RGS17: variants seen among roughly 807,000 people sequenced by gnomAD.
RGS17 encodes regulator of G protein signaling 17, also known as regulator of G-protein signaling 17.
Under a neutral mutation model 25.5 loss-of-function variants are expected in RGS17, and 12 were observed. The observed-to-expected ratio is 0.47, with a 90% CI of 0.30 to 0.76. The LOEUF is 0.76. Among genes scored for constraint, RGS17 ranks in the 30% least tolerant of loss-of-function variants. The pLI is 0.07. For synonymous variants in RGS17, 71 were observed against 76.9 expected (o/e 0.92, Z 0.40); for missense variants, 196 against 242.2 (o/e 0.81, Z 1.27).
chr6:153,026,517 C>G lies in RGS17; in HGVS notation c.146G>C (p.Gly49Ala). 1 of 1,613,220 alleles carries G rather than the reference C, an allele frequency of 6.2e-7. No individual in the cohort carries two copies. The highest frequency in any genetic ancestry group is 8.5e-7 in the Non-Finnish European group (1 of 1,179,422). ...SCLTVRNEER[G>A]ENAGRPTHTT... Reference sequence around the variant, plus strand: ...GTGTGTGGGTCTTCCCGCATTTTCCCCTCTTTCTTCATTCCTCACAGTGAG... The same window carrying G: ...GTGTGTGGGTCTTCCCGCATTTTCCGCTCTTTCTTCATTCCTCACAGTGAG... The change falls in exon 3 of 5, where the codon GGG becomes GCG. Residue 49 changes from glycine to alanine, a missense_variant. By Grantham distance (60) the Gly-to-Ala change is moderately conservative. Around this residue, in one of 2 missense-constraint regions of RGS17, gnomAD observed 179 missense variants for 197.6 expected, o/e 0.91. Coordinates refer to ENST00000206262, the MANE Select transcript of RGS17 (RefSeq NM_012419.5).
intron 1 of RGS17, among the ~76,000 whole-genome samples, chr6:153,047,636 C>A (rs1305788574): frequency 6.6e-6 from 1 of 152,100 alleles, no homozygotes; most frequent in Non-Finnish European, 1.5e-5. Flanking sequence ...TAAGAAGAGG[C>A]CAGGGAACTG....
chr6:153,069,587 G>T (rs1380075627), intron 1 of RGS17, among the ~76,000 whole-genome samples: 1 of 152,060 alleles, frequency 6.6e-6, no homozygotes, highest in Non-Finnish European at 1.5e-5. Flanking sequence ...TAACTTAATT[G>T]TACATTTTAA....
intron 2 of RGS17, among the ~76,000 whole-genome samples, chr6:153,034,359 G>A (rs554904801): frequency 6.6e-6 from 1 of 152,280 alleles, no homozygotes; most frequent in South Asian, 2.1e-4. Flanking sequence ...ATTAATGTGA[G>A]GGCTGGGAAG....
chr6:153,073,875 T>C (rs1776841262), intron 1 of RGS17, among the ~76,000 whole-genome samples: 1 of 152,160 alleles, frequency 6.6e-6, no homozygotes, highest in Admixed American at 6.6e-5. Flanking sequence ...AAATGGTGGA[T>C]ATCCAGCCAG....
chr6:153,021,728 T>C (rs1426925353), intron 4 of RGS17, among the ~76,000 whole-genome samples: 1 of 152,162 alleles, frequency 6.6e-6, no homozygotes, highest in East Asian at 1.9e-4. Flanking sequence ...TGTTTCTTTG[T>C]GATATTTTGA....
intron 1 of RGS17, among the ~76,000 whole-genome samples, chr6:153,053,491 T>C (rs1163321134): frequency 6.6e-6 from 1 of 152,098 alleles, no homozygotes; most frequent in Non-Finnish European, 1.5e-5. Context: ...AAGCAAAATA[T>C]TTACAGTTAC....
intron 4 of RGS17, among the ~76,000 whole-genome samples, chr6:153,014,119 C>G (rs1415521083): frequency 5.3e-5 from 8 of 152,174 alleles, no homozygotes; most frequent in Admixed American, 5.2e-4. Context: ...CAGGCTGACT[C>G]TGCTGTTAAG....
intron 2 of RGS17, among the ~76,000 whole-genome samples, chr6:153,031,211 C>T (rs1159012909): frequency 6.6e-6 from 1 of 152,186 alleles, no homozygotes; most frequent in Admixed American, 6.5e-5. Context: ...ATGGTTTAAG[C>T]TTTCCATGCT....
At chr6:153,086,410 G>C (rs1469199336) in intron 1 of RGS17, among the ~76,000 whole-genome samples, 2 of 152,110 alleles carry the variant, frequency 1.3e-5, no homozygotes, top group African/African-American at 2.4e-5. Context: ...TGGCCTGCCC[G>C]TAAGTTATGC....
chr6:153,118,201 G>C (rs543737861), intron 1 of RGS17, among the ~76,000 whole-genome samples: 1 of 152,274 alleles, frequency 6.6e-6, no homozygotes, highest in Non-Finnish European at 1.5e-5. Context: ...CTCTTATGCT[G>C]ATTTTTCACA....
chr6:153,109,480 G>C (rs1161510848), intron 1 of RGS17, among the ~76,000 whole-genome samples: 1 of 152,146 alleles, frequency 6.6e-6, no homozygotes. Flanking sequence ...TTGCTTACTT[G>C]TGTGTTTGTT....
At chr6:153,015,692 C>G (rs1017274397) in intron 4 of RGS17, among the ~76,000 whole-genome samples, 2 of 150,836 alleles carry the variant, frequency 1.3e-5, no homozygotes, top group Non-Finnish European at 1.5e-5. Flanking sequence ...CTCGCTCTGT[C>G]GCCCAGGCTG....
At chr6:153,069,763 T>TGTGTGTGTGA (rs1776761746) in intron 1 of RGS17, among the ~76,000 whole-genome samples, 1 of 151,780 alleles carries the variant, frequency 6.6e-6, no homozygotes, top group Non-Finnish European at 1.5e-5. Context: ...TGTGTGTGTG[T>TGTGTGTGTGA]GTGTGTGTAT....
chr6:153,025,091 C>G (rs1300762481), intron 3 of RGS17, among the ~76,000 whole-genome samples: 1 of 151,782 alleles, frequency 6.6e-6, no homozygotes, highest in Admixed American at 6.6e-5. Flanking sequence ...GGGAGGATCT[C>G]TTGAGTCCAG....
chr6:153,100,896 C>G (rs745316814), intron 1 of RGS17, among the ~76,000 whole-genome samples: 2 of 152,154 alleles, frequency 1.3e-5, no homozygotes, highest in Admixed American at 6.5e-5. Context: ...CCAAGCTGTA[C>G]CCAATCTGGC....
At chr6:153,013,845 G>C (rs1379120550) in intron 4 of RGS17, among the ~76,000 whole-genome samples, 1 of 152,214 alleles carries the variant, frequency 6.6e-6, no homozygotes, top group Non-Finnish European at 1.5e-5. Flanking sequence ...TGTAAGAAAA[G>C]TTTGAAGCTC....
Position 153,130,934 on chromosome 6 carries a change from C to G in RGS17, c.-26+190G>C, listed in dbSNP as rs1777781462. 6.6e-6 allele frequency among the ~76,000 whole-genome samples: 1 copy of G among 151,836 alleles called. No homozygotes were observed. Among genetic ancestry groups the G allele is most frequent in the Non-Finnish European group, 1.5e-5 (1 of 67,920 alleles). On this transcript the variant is annotated intron_variant, in intron 1 of 4. Coordinates refer to ENST00000206262, the MANE Select transcript of RGS17 (RefSeq NM_012419.5). The surrounding 1 kb of genome is among the most constrained non-coding windows in gnomAD (Gnocchi z 6.4). ...CCGCGGCGCGGCCCCCGCTCCCGCT[C>G]AGGGCGCCGCGGCCACAGCTGAGAC...
intron 4 of RGS17, among the ~76,000 whole-genome samples, chr6:153,018,174 C>T (rs777905624): frequency 2.6e-5 from 4 of 151,978 alleles, no homozygotes; most frequent in Admixed American, 6.6e-5. Context: ...GGGGAGGGTT[C>T]AGGCCTGTGG....
chr6:153,124,381 C>A (rs1777676902), intron 1 of RGS17, among the ~76,000 whole-genome samples: 1 of 152,152 alleles, frequency 6.6e-6, no homozygotes, highest in African/African-American at 2.4e-5. Flanking sequence ...ACACGAAATA[C>A]ATGGAGAACA....
Sources: allele counts gnomAD v4.1 joint callset (sites outside exome capture counted in the v4.1 genomes callset), GRCh38; gene constraint gnomAD v4.1.1; regional missense constraint gnomAD v4.1.1; non-coding constraint Gnocchi (gnomAD v3.1); transcripts MANE v1.5; gene names NCBI Gene and HGNC (gene_info 2026-07-23, HGNC 2026-07-21).